NAALADL2: variants seen among roughly 807,000 people sequenced by gnomAD.
The protein encoded by NAALADL2 is N-acetylated alpha-linked acidic dipeptidase like 2.
In NAALADL2, 76 loss-of-function variants were observed where a neutral mutation model predicts 87.2. The ratio of observed to expected loss-of-function variants is 0.87; its 90% CI spans 0.72 to 1.05. NAALADL2 has a LOEUF of 1.05. Ranked by LOEUF, NAALADL2 falls within the 50% of genes least tolerant of loss-of-function variation. NAALADL2 has a pLI of 0.00. For synonymous variants in NAALADL2, 354 were observed against 331.0 expected (o/e 1.07, Z -0.75); for missense variants, 1,089 against 945.8 (o/e 1.15, Z -1.99).
At chr3:174,673,913 C>T (rs899284640) in intron 2 of NAALADL2, among the ~76,000 whole-genome samples, 3 of 149,176 alleles carry the variant, frequency 2.0e-5, no homozygotes, top group African/African-American at 4.9e-5. Context: ...ATCACATGTA[C>T]CACATAAATT....
At chr3:174,531,439 G>T (rs114633182) in intron 1 of NAALADL2, among the ~76,000 whole-genome samples, 4,710 of 152,116 alleles carry the variant, frequency 0.031, 231 homozygotes, top group African/African-American at 0.11. Context: ...TAAAATCCAC[G>T]TAAAGGCCAT....
At chr3:175,048,332 A>G (rs1006511769) in intron 1 of NAALADL2, among the ~76,000 whole-genome samples, 1 of 151,972 alleles carries the variant, frequency 6.6e-6, no homozygotes, top group Non-Finnish European at 1.5e-5. Flanking sequence ...AAAGAAAGCA[A>G]AAATTGTTCT....
chr3:175,794,747 C>A (rs1447395947), intron 13 of NAALADL2, among the ~76,000 whole-genome samples: 1 of 152,148 alleles, frequency 6.6e-6, no homozygotes, highest in Admixed American at 6.6e-5. Flanking sequence ...ACACTTTTAT[C>A]TATTTCTTGG....
intron 3 of NAALADL2, among the ~76,000 whole-genome samples, chr3:174,776,846 C>T (rs1420731352): frequency 6.6e-6 from 1 of 152,036 alleles, no homozygotes; most frequent in African/African-American, 2.4e-5. Context: ...GCATTGTTTG[C>T]ACATAATACA....
intron 1 of NAALADL2, among the ~76,000 whole-genome samples, chr3:174,945,598 C>T (rs1409868546): frequency 6.6e-6 from 1 of 152,124 alleles, no homozygotes; most frequent in East Asian, 1.9e-4. Flanking sequence ...ACTTGTATCC[C>T]AGACTTCAAG....
At chr3:175,354,110 A>T (rs939846547) in intron 5 of NAALADL2, among the ~76,000 whole-genome samples, 3 of 152,112 alleles carry the variant, frequency 2.0e-5, no homozygotes, top group Non-Finnish European at 1.5e-5. Flanking sequence ...CCTTATTTCC[A>T]TTGTTTTGTT....
intron 9 of NAALADL2, among the ~76,000 whole-genome samples, chr3:175,501,715 C>T (rs1221444696): frequency 6.6e-6 from 1 of 151,920 alleles, no homozygotes; most frequent in Non-Finnish European, 1.5e-5. Flanking sequence ...CACTTTGAGA[C>T]AAATTAAGTT....
At chr3:175,360,923 G>T (rs2148907653) in intron 5 of NAALADL2, among the ~76,000 whole-genome samples, 1 of 150,732 alleles carries the variant, frequency 6.6e-6, no homozygotes, top group Non-Finnish European at 1.5e-5. Flanking sequence ...CAACGTGCAG[G>T]TTTGTTAAAT....
intron 3 of NAALADL2, among the ~76,000 whole-genome samples, chr3:174,763,586 C>CAAAAAAAAAAAAAAAAAAAAAA (rs1163373340): frequency 0.031 from 1,492 of 48,086 alleles, 294 homozygotes; most frequent in Non-Finnish European, 0.038. Context: ...GACTCCATCT[C>CAAAAAAAAAAAAAAAAAAAAAA]AAAAAAAAAA....
chr3:175,240,804 T>C (rs535724852), intron 3 of NAALADL2, among the ~76,000 whole-genome samples: 2 of 152,176 alleles, frequency 1.3e-5, no homozygotes, highest in East Asian at 3.9e-4. Context: ...TACAGGCATG[T>C]GCCACCACAC....
At chr3:175,748,150 T>A (rs1282958071) in intron 12 of NAALADL2, among the ~76,000 whole-genome samples, 4 of 152,326 alleles carry the variant, frequency 2.6e-5, no homozygotes, top group African/African-American at 9.6e-5. Context: ...TATCTTTTTA[T>A]CTATGCATTA....
At chr3:174,780,391 A>G (rs978190967) in intron 3 of NAALADL2, among the ~76,000 whole-genome samples, 2 of 152,166 alleles carry the variant, frequency 1.3e-5, no homozygotes, top group Non-Finnish European at 2.9e-5. Flanking sequence ...GGCTGAGACA[A>G]TGGCATTTTC....
rs1553855446 is a variant in NAALADL2, at chr3:174,787,604, T to TATATATACACACAC, written c.-9+49865_-9+49866insCACACACATATATA. On this transcript the variant is annotated intron_variant, in intron 3 of 3. Transcript: ENST00000434257. ...ATATATATATATATATATATATATA[T>TATATATACACACAC]ATATATATATATATATAGTAGTGAC... 3.4e-5 allele frequency among the ~76,000 whole-genome samples: 3 copies of TATATATACACACAC among 87,944 alleles called. 1 individual carries two copies. The highest frequency in any genetic ancestry group is 7.3e-5 in the Non-Finnish European group (3 of 40,888). The allele number at this position is 87,944 out of a possible 152,430, so 57.7% of individuals were successfully genotyped here. A position where few individuals can be genotyped will look rare whatever the true frequency, so the allele number is the denominator to read the frequency against.
chr3:174,479,776 G>A (rs1487129049), intron 1 of NAALADL2, among the ~76,000 whole-genome samples: 2 of 151,816 alleles, frequency 1.3e-5, no homozygotes, highest in Admixed American at 6.6e-5. Flanking sequence ...GTTATTTATT[G>A]TGGAAGATAT....
chr3:175,493,696 G>A (rs1332282820), intron 9 of NAALADL2, among the ~76,000 whole-genome samples: 1 of 151,970 alleles, frequency 6.6e-6, no homozygotes, highest in African/African-American at 2.4e-5. Context: ...TTTTCCCAAG[G>A]GTCGATGTCT....
At chr3:175,483,968 C>T (rs571297429) in intron 9 of NAALADL2, among the ~76,000 whole-genome samples, 75 of 152,118 alleles carry the variant, frequency 4.9e-4, no homozygotes, top group Middle Eastern at 6.8e-3. Context: ...GTCCTGGAAG[C>T]AGAGTAAAGT....
intron 2 of NAALADL2, among the ~76,000 whole-genome samples, chr3:175,098,210 A>T (rs540089539): frequency 1.3e-5 from 2 of 152,258 alleles, no homozygotes; most frequent in East Asian, 3.9e-4. Context: ...TGGACATTTA[A>T]TATGTGGATA....
rs188644244 is a variant in NAALADL2 at position 175,367,563 on chromosome 3, G to A, written c.1090+43238G>A. On this transcript the variant is annotated intron_variant, in intron 5 of 13. Coordinates refer to ENST00000454872, the MANE Select transcript of NAALADL2 (RefSeq NM_207015.3). ...GCAGTGGTTTGTAGTTCTCCTTGAA[G>A]AGGTCCTCCACGTCCCTTGTAAGTT... Among the ~76,000 whole-genome samples, 3 of 152,250 alleles carry A rather than the reference G, an allele frequency of 2.0e-5. No homozygotes were observed. The East Asian group carries it at 5.8e-4, about 29-fold the overall frequency.
intron 11 of NAALADL2, among the ~76,000 whole-genome samples, chr3:175,636,434 C>G (rs536677233): frequency 1.7e-4 from 26 of 152,096 alleles, no homozygotes; most frequent in African/African-American, 6.0e-4. Context: ...CACGGTGGCT[C>G]ACGCTTGTAA....
Sources: allele counts gnomAD v4.1 joint callset (sites outside exome capture counted in the v4.1 genomes callset), GRCh38; gene constraint gnomAD v4.1.1; transcripts MANE v1.5; gene names NCBI Gene and HGNC (gene_info 2026-07-23, HGNC 2026-07-21).